The following HS6ST3 variants were observed in gnomAD, a reference collection of about 807,000 sequenced individuals.
HS6ST3 encodes heparan sulfate 6-O-sulfotransferase 3, also known as heparan-sulfate 6-O-sulfotransferase 3.
In HS6ST3, 12 loss-of-function variants were observed where a neutral mutation model predicts 36.7. The observed-to-expected ratio is 0.33, with a 90% confidence interval of 0.21 to 0.53. The LOEUF is 0.53. Ranked by LOEUF, HS6ST3 falls within the 20% of genes least tolerant of loss-of-function variation. The probability of loss-of-function intolerance (pLI) is 0.95; values close to 1 mark genes in which losing one functional copy is unlikely to be tolerated. For missense variants in HS6ST3, 584 were observed against 640.9 expected (o/e 0.91, Z 0.96); for synonymous variants, 240 against 257.5 (o/e 0.93, Z 0.65).
intron 1 of HS6ST3, among the ~76,000 whole-genome samples, chr13:96,417,136 A>G (rs1261786089): frequency 2.0e-5 from 3 of 152,204 alleles, no homozygotes; most frequent in East Asian, 3.8e-4. Flanking sequence ...ATAAGTGGAC[A>G]TGCTTCAGAA....
At chr13:96,831,283 G>T (rs1380003592) in intron 1 of HS6ST3, among the ~76,000 whole-genome samples, 1 of 152,094 alleles carries the variant, frequency 6.6e-6, no homozygotes, top group African/African-American at 2.4e-5. Context: ...AATTAGATAA[G>T]ATCTGTGACT....
chr13:96,806,388 A>C (rs1195805208), intron 1 of HS6ST3, among the ~76,000 whole-genome samples: 2 of 152,234 alleles, frequency 1.3e-5, no homozygotes, highest in Non-Finnish European at 2.9e-5. Flanking sequence ...AGTAATAGAT[A>C]CTGATAATTA....
At chr13:96,323,001 T>C (rs1012098437) in intron 1 of HS6ST3, among the ~76,000 whole-genome samples, 16 of 152,112 alleles carry the variant, frequency 1.1e-4, no homozygotes, top group African/African-American at 3.9e-4. Flanking sequence ...CCTCGCTAGT[T>C]CCCTTTCACC....
chr13:96,806,089 A>G (rs1456233772), intron 1 of HS6ST3, among the ~76,000 whole-genome samples: 1 of 152,202 alleles, frequency 6.6e-6, no homozygotes, highest in African/African-American at 2.4e-5. Context: ...GCAGGTGTCA[A>G]TATCACTTGT....
intron 1 of HS6ST3, among the ~76,000 whole-genome samples, chr13:96,104,243 A>G (rs1274903574): frequency 5.3e-5 from 8 of 152,218 alleles, no homozygotes; most frequent in Admixed American, 5.2e-4. Flanking sequence ...TCCAGAATCT[A>G]AAGTTTGCAT....
intron 1 of HS6ST3, among the ~76,000 whole-genome samples, chr13:96,214,793 G>A (rs2054416153): frequency 6.6e-6 from 1 of 151,498 alleles, no homozygotes; most frequent in Non-Finnish European, 1.5e-5. Context: ...AAATCAAGCA[G>A]TTTATTATTT....
chr13:96,833,945 G>T lies in HS6ST3; in HGVS notation c.*747G>T, dbSNP rs1404507706. Reference sequence around the variant, plus strand: ...TGAACATTGGTAGGAGCATTTAAGAGAAAACTTGCTTATTTGCTAATGCCT... The same window carrying T: ...TGAACATTGGTAGGAGCATTTAAGATAAAACTTGCTTATTTGCTAATGCCT... On this transcript the variant is annotated 3_prime_UTR_variant, in exon 2 of 2. Coordinates refer to ENST00000376705, the MANE Select transcript of HS6ST3 (RefSeq NM_153456.4). 2.6e-5 allele frequency: 4 copies of T among 152,108 alleles called. No homozygotes were observed. The highest frequency in any genetic ancestry group is 4.4e-5 in the Non-Finnish European group (3 of 68,014). 9.4% of individuals were successfully genotyped at this position (152,108 alleles called of 1,614,324 possible). A position where few individuals can be genotyped will look rare whatever the true frequency, so the allele number is the denominator to read the frequency against.
chr13:96,119,231 A>G (rs1341209557), intron 1 of HS6ST3, among the ~76,000 whole-genome samples: 1 of 152,094 alleles, frequency 6.6e-6, no homozygotes, highest in African/African-American at 2.4e-5. Context: ...TTAATCTCAT[A>G]AATAGTATAA....
chr13:96,335,146 G>A (rs926117053), intron 1 of HS6ST3, among the ~76,000 whole-genome samples: 1 of 152,232 alleles, frequency 6.6e-6, no homozygotes, highest in Admixed American at 6.5e-5. Context: ...TGGTGCAGGA[G>A]GTGTCATGTG....
intron 1 of HS6ST3, among the ~76,000 whole-genome samples, chr13:96,569,448 T>G (rs2056293354): frequency 6.6e-6 from 1 of 152,158 alleles, no homozygotes; most frequent in Non-Finnish European, 1.5e-5. Flanking sequence ...TCCTTAGTAC[T>G]ATCATTGATC....
At chr13:96,252,933 C>A (rs2054614422) in intron 1 of HS6ST3, among the ~76,000 whole-genome samples, 1 of 152,108 alleles carries the variant, frequency 6.6e-6, no homozygotes, top group Non-Finnish European at 1.5e-5. Flanking sequence ...GCCTGCAGAA[C>A]CATGAGCTAA....
intron 1 of HS6ST3, among the ~76,000 whole-genome samples, chr13:96,263,402 T>A (rs866297371): frequency 3.9e-5 from 6 of 152,208 alleles, no homozygotes; most frequent in South Asian, 2.1e-4. Flanking sequence ...TACAGTTGAC[T>A]TAACTTTCAC....
chr13:96,537,425 T>C (rs868418201), intron 1 of HS6ST3, among the ~76,000 whole-genome samples: 1 of 152,320 alleles, frequency 6.6e-6, no homozygotes, highest in South Asian at 2.1e-4. Context: ...AGGAAGACTC[T>C]ATAATGAGAG....
intron 1 of HS6ST3, among the ~76,000 whole-genome samples, chr13:96,470,088 AC>A (rs2055833334): frequency 6.6e-6 from 1 of 152,092 alleles, no homozygotes; most frequent in African/African-American, 2.4e-5. Flanking sequence ...AAGAAAACCA[AC>A]CCTGTAATAC....
At chr13:96,348,964 G>A (rs1214752413) in intron 1 of HS6ST3, among the ~76,000 whole-genome samples, 1 of 152,188 alleles carries the variant, frequency 6.6e-6, no homozygotes, top group Non-Finnish European at 1.5e-5. Context: ...AATAGGGAAA[G>A]AGATTTAAAA....
chr13:96,818,635 T>C (rs1196522237), intron 1 of HS6ST3, among the ~76,000 whole-genome samples: 2 of 152,242 alleles, frequency 1.3e-5, no homozygotes, highest in Non-Finnish European at 2.9e-5. Context: ...TTGTCTTCAA[T>C]GCACAGGCGC....
At chr13:96,815,002 T>G (rs1878391776) in intron 1 of HS6ST3, among the ~76,000 whole-genome samples, 1 of 152,238 alleles carries the variant, frequency 6.6e-6, no homozygotes, top group Non-Finnish European at 1.5e-5. Flanking sequence ...CGGTCCCTTC[T>G]TTCATTACAT....
At chr13:96,807,859 C>T (rs1878233970) in intron 1 of HS6ST3, among the ~76,000 whole-genome samples, 1 of 142,334 alleles carries the variant, frequency 7.0e-6, no homozygotes, top group South Asian at 2.2e-4. Context: ...GAGTGAGACT[C>T]CAACTCAAAA....
At chr13:96,109,627 A>C (rs1291625648) in intron 1 of HS6ST3, among the ~76,000 whole-genome samples, 1 of 152,172 alleles carries the variant, frequency 6.6e-6, no homozygotes, top group East Asian at 1.9e-4. Context: ...TAGAGAAAGT[A>C]AAATAAGTTG....
Sources: gnomAD v4.1 joint callset for allele counts (sites outside exome capture counted in the v4.1 genomes callset) on GRCh38, gnomAD v4.1.1 for gene constraint, MANE v1.5 for transcripts, NCBI Gene and HGNC (gene_info 2026-07-23, HGNC 2026-07-21) for gene names.